Variants in NTN1 observed in about 807,000 individuals in gnomAD.
The protein encoded by NTN1 is netrin-1.
A neutral mutation model predicts 54.2 loss-of-function variants in NTN1; 11 were observed. The observed-to-expected ratio is 0.20, with a 90% confidence interval of 0.13 to 0.34. The LOEUF (loss-of-function observed/expected upper bound fraction) is 0.34, where lower values mean the gene tolerates loss of function less well. Ranked by LOEUF, NTN1 falls within the 10% of genes least tolerant of loss-of-function variation. The pLI, the probability that NTN1 is intolerant of heterozygous loss-of-function variation, is 1.00. For missense variants in NTN1, 740 were observed against 893.1 expected, an observed-to-expected ratio of 0.83 and a Z score of 2.18; for synonymous variants, 371 against 382.0, an observed-to-expected ratio of 0.97 and a Z score of 0.33.
chr17:9,234,007 C>T (rs1905897696), intron 6 of NTN1, among the ~76,000 whole-genome samples: 1 of 152,184 alleles, frequency 6.6e-6, no homozygotes, highest in Non-Finnish European at 1.5e-5. Context: ...TGGCTGTAAC[C>T]AACTCCACAC....
intron 2 of NTN1, among the ~76,000 whole-genome samples, chr17:9,103,815 G>A (rs1597488657): frequency 6.6e-6 from 1 of 152,096 alleles, no homozygotes; most frequent in Non-Finnish European, 1.5e-5. Context: ...GCTGGGTGCT[G>A]TGGCTCAAGC....
chr17:9,051,636 C>T (rs1477431930), intron 2 of NTN1, among the ~76,000 whole-genome samples: 3 of 152,106 alleles, frequency 2.0e-5, no homozygotes, highest in African/African-American at 7.2e-5. Context: ...AAATCATGAC[C>T]ACAATCAAGC....
chr17:9,144,372 G>T (rs943816775), intron 2 of NTN1, among the ~76,000 whole-genome samples: 1 of 152,018 alleles, frequency 6.6e-6, no homozygotes, highest in Non-Finnish European at 1.5e-5. Context: ...TGACAGCTGG[G>T]CACCATTACT....
At chr17:9,076,074 G>T (rs1294835980) in intron 2 of NTN1, among the ~76,000 whole-genome samples, 2 of 152,184 alleles carry the variant, frequency 1.3e-5, no homozygotes, top group African/African-American at 4.8e-5. Context: ...GATTCCCCAT[G>T]GTCCCTCAGC....
intron 6 of NTN1, among the ~76,000 whole-genome samples, chr17:9,230,679 G>C (rs1905778745): frequency 2.2e-5 from 1 of 46,428 alleles, no homozygotes; most frequent in African/African-American, 6.9e-5. Flanking sequence ...AGGAGGCTCT[G>C]GGGGGATGCG....
At chr17:9,224,906 A>G (rs1905483998) in intron 6 of NTN1, among the ~76,000 whole-genome samples, 1 of 152,090 alleles carries the variant, frequency 6.6e-6, no homozygotes, top group African/African-American at 2.4e-5. Context: ...CTGTGACTCC[A>G]CAGCCAGGAC....
intron 2 of NTN1, among the ~76,000 whole-genome samples, chr17:9,100,381 T>C (rs9989480): frequency 0.53 from 80,888 of 152,008 alleles, 22,295 homozygotes; most frequent in East Asian, 0.95. Flanking sequence ...CACTCCAAGC[T>C]CCACCTCCCA....
chr17:9,134,517 G>A (rs992372957), intron 2 of NTN1, among the ~76,000 whole-genome samples: 4 of 152,214 alleles, frequency 2.6e-5, no homozygotes, highest in Admixed American at 6.5e-5. Flanking sequence ...AACTACTCAC[G>A]TCAGGGCCTC....
At chr17:9,231,661 G>A (rs1166084512) in intron 6 of NTN1, among the ~76,000 whole-genome samples, 2 of 149,900 alleles carry the variant, frequency 1.3e-5, no homozygotes, top group Non-Finnish European at 3.0e-5. Flanking sequence ...TGGCACCTTG[G>A]TGGAGAAATG....
chr17:9,060,700 G>A (rs868537377), intron 2 of NTN1, among the ~76,000 whole-genome samples: 83 of 152,270 alleles, frequency 5.5e-4, no homozygotes, highest in African/African-American at 1.6e-3. Context: ...TAGGCAGCCC[G>A]GGTGCAGTGG....
intron 2 of NTN1, among the ~76,000 whole-genome samples, chr17:9,114,158 A>ATATATAT (rs1224438013): frequency 3.4e-4 from 32 of 95,030 alleles, no homozygotes; most frequent in African/African-American, 1.3e-3. Context: ...AAAAAGAAAA[A>ATATATAT]AAAAAAAAAT....
chr17:9,188,482 AATAAAAAC>A (rs1381556709), intron 5 of NTN1, among the ~76,000 whole-genome samples: 3 of 1,732 alleles, frequency 1.7e-3, no homozygotes, highest in Admixed American at 7.8e-3. Context: ...ACAATTAAAA[AATAAAAAC>A]AAAAAAGTCA....
At chr17:9,117,960 A>C (rs936782653) in intron 2 of NTN1, among the ~76,000 whole-genome samples, 1 of 152,044 alleles carries the variant, frequency 6.6e-6, no homozygotes, top group African/African-American at 2.4e-5. Context: ...CAGGTGCCCT[A>C]TCTCAGGGCT....
chr17:9,045,752 C>T lies in NTN1; in HGVS notation c.1018+22361C>T, dbSNP rs530886812. Among the ~76,000 whole-genome samples, 5 of 152,026 alleles carry T rather than the reference C, an allele frequency of 3.3e-5. No homozygotes were observed. The South Asian group carries it at 1.0e-3, about 32-fold the overall frequency. Reference sequence around the variant, plus strand: ...CAAATATTCAGCAGAGAAGATCAACCCAAGCCAAAAGTTGATTGTTTGGAA... The same window carrying T: ...CAAATATTCAGCAGAGAAGATCAACTCAAGCCAAAAGTTGATTGTTTGGAA... On this transcript the variant is annotated intron_variant, in intron 2 of 6. Transcript: ENST00000173229.
chr17:9,077,667 A>G (rs1230093650), intron 2 of NTN1, among the ~76,000 whole-genome samples: 1 of 152,240 alleles, frequency 6.6e-6, no homozygotes, highest in Non-Finnish European at 1.5e-5. Flanking sequence ...ATAAAGATGA[A>G]CTTTACTGCT....
intron 3 of NTN1, chr17:9,175,683 C>G (rs765963930): frequency 1.3e-5 from 2 of 152,308 alleles, no homozygotes; most frequent in Non-Finnish European, 2.9e-5. Flanking sequence ...CCCCTCTTAC[C>G]TGTCTGAAAG....
intron 4 of NTN1, among the ~76,000 whole-genome samples, chr17:9,181,863 C>T (rs2092419750): frequency 6.6e-6 from 1 of 152,234 alleles, no homozygotes; most frequent in African/African-American, 2.4e-5. Context: ...GCCTGAGCTT[C>T]AGTGCCAGGC....
chr17:9,048,660 T>C (rs1259251404), intron 2 of NTN1, among the ~76,000 whole-genome samples: 1 of 152,098 alleles, frequency 6.6e-6, no homozygotes, highest in African/African-American at 2.4e-5. Flanking sequence ...GCCACTTTTT[T>C]TTTTTCTTTT....
At chr17:9,065,415 T>C (rs1597475309) in intron 2 of NTN1, among the ~76,000 whole-genome samples, 1 of 152,190 alleles carries the variant, frequency 6.6e-6, no homozygotes. Context: ...TCTTGGCTGG[T>C]TCTTTCTCAT....
Sources: allele counts gnomAD v4.1 joint callset (sites outside exome capture counted in the v4.1 genomes callset), GRCh38; gene constraint gnomAD v4.1.1; transcripts MANE v1.5; gene names NCBI Gene and HGNC (gene_info 2026-07-23, HGNC 2026-07-21).